KCNIP4: variants seen among roughly 807,000 people sequenced by gnomAD.
The protein encoded by KCNIP4 is potassium voltage-gated channel interacting protein 4, also known as Kv channel-interacting protein 4.
KCNIP4 carries 12 observed loss-of-function variants against 34.0 expected under a neutral mutation model. That is an observed-to-expected ratio of 0.35 (90% CI 0.23 to 0.57). KCNIP4 has a LOEUF of 0.57. Ranked by LOEUF, KCNIP4 falls within the 20% of genes least tolerant of loss-of-function variation. The pLI, the probability that KCNIP4 is intolerant of heterozygous loss-of-function variation, is 0.83. For synonymous variants in KCNIP4, 124 were observed against 102.2 expected (o/e 1.21, Z -1.29); for missense variants, 238 against 311.7 (o/e 0.76, Z 1.78).
At chr4:21,087,571 AG>A (rs1274195689) in intron 1 of KCNIP4, among the ~76,000 whole-genome samples, 1 of 152,044 alleles carries the variant, frequency 6.6e-6, no homozygotes, top group African/African-American at 2.4e-5. Flanking sequence ...TACAGGCGTG[AG>A]CCACTGCACC....
intron 1 of KCNIP4, among the ~76,000 whole-genome samples, chr4:21,912,782 G>A (rs764108184): frequency 1.4e-4 from 21 of 150,882 alleles, no homozygotes; most frequent in South Asian, 8.4e-4. Flanking sequence ...GTAGAAGACA[G>A]ATCATATATT....
At chr4:20,792,896 C>T (rs964255702) in intron 3 of KCNIP4, among the ~76,000 whole-genome samples, 2 of 152,042 alleles carry the variant, frequency 1.3e-5, no homozygotes, top group African/African-American at 4.8e-5. Context: ...CAGTACTATC[C>T]ACCAACTTGA....
At chr4:21,362,587 G>A (rs892529019) in intron 1 of KCNIP4, among the ~76,000 whole-genome samples, 1 of 151,864 alleles carries the variant, frequency 6.6e-6, no homozygotes, top group Non-Finnish European at 1.5e-5. Context: ...CTTCCTCTTG[G>A]GGTTGAGATA....
intron 1 of KCNIP4, among the ~76,000 whole-genome samples, chr4:21,254,160 A>G (rs1219486092): frequency 2.6e-5 from 4 of 152,220 alleles, no homozygotes; most frequent in African/African-American, 9.6e-5. Context: ...ATGTATATAT[A>G]TGCATACATG....
intron 1 of KCNIP4, among the ~76,000 whole-genome samples, chr4:20,964,811 T>C (rs1734185970): frequency 6.6e-6 from 1 of 152,184 alleles, no homozygotes; most frequent in Admixed American, 6.5e-5. Flanking sequence ...GGTGATGAGA[T>C]AGGACAGATC....
intron 1 of KCNIP4, among the ~76,000 whole-genome samples, chr4:21,800,993 C>T (rs189441892): frequency 2.0e-5 from 3 of 152,246 alleles, no homozygotes; most frequent in Middle Eastern, 3.4e-3. Context: ...ATTCATTCTC[C>T]GAGTCAGAAA....
At chr4:20,915,533 T>C (rs1186317607) in intron 1 of KCNIP4, among the ~76,000 whole-genome samples, 1 of 152,192 alleles carries the variant, frequency 6.6e-6, no homozygotes. Context: ...AGAAAATGCC[T>C]ATAGAGTCAC....
In KCNIP4 at chr4:21,640,749, C is replaced by T. The variant is rs73254391; in HGVS notation, c.61+307822G>A. Among the ~76,000 whole-genome samples, 949 of 152,224 alleles carry T rather than the reference C, an allele frequency of 6.2e-3. 6 individuals are homozygous for T. The highest frequency in any genetic ancestry group is 1.0e-2 in the Non-Finnish European group (678 of 68,006). On this transcript the variant is annotated intron_variant, in intron 1 of 8. Coordinates refer to ENST00000382152, the MANE Select transcript of KCNIP4 (RefSeq NM_025221.6). Reference sequence around the variant, plus strand: ...CTACCCCAGCCTAGTAACAGAATGACCCAAAAAGCTGCTAACAAGAGAAGG... The same window carrying T: ...CTACCCCAGCCTAGTAACAGAATGATCCAAAAAGCTGCTAACAAGAGAAGG...
chr4:21,833,832 C>A (rs1485907226), intron 1 of KCNIP4, among the ~76,000 whole-genome samples: 2 of 152,148 alleles, frequency 1.3e-5, no homozygotes, highest in African/African-American at 4.8e-5. Context: ...TTCCCAGCAC[C>A]ATTTATTAAA....
chr4:21,012,987 A>C (rs756345246), intron 1 of KCNIP4, among the ~76,000 whole-genome samples: 3 of 152,184 alleles, frequency 2.0e-5, no homozygotes, highest in Non-Finnish European at 4.4e-5. Flanking sequence ...TGGGGGTGGA[A>C]TATTATGGCC....
intron 1 of KCNIP4, among the ~76,000 whole-genome samples, chr4:21,658,378 AACATCACATC>A (rs568463285): frequency 6.6e-5 from 10 of 152,078 alleles, no homozygotes; most frequent in Admixed American, 1.3e-4. Context: ...CTGTGAAGAG[AACATCACATC>A]ACATCACATC....
At chr4:21,128,269 G>T (rs1750779436) in intron 1 of KCNIP4, among the ~76,000 whole-genome samples, 1 of 152,162 alleles carries the variant, frequency 6.6e-6, no homozygotes, top group Non-Finnish European at 1.5e-5. Flanking sequence ...ATGGAATTAA[G>T]AGAGCAGAAT....
chr4:21,022,168 G>T (rs865941725), intron 1 of KCNIP4, among the ~76,000 whole-genome samples: 2 of 152,106 alleles, frequency 1.3e-5, no homozygotes, highest in African/African-American at 4.8e-5. Flanking sequence ...CAGCAAGTAA[G>T]TGTGTATTTA....
At chr4:21,446,156 A>T (rs966750040) in intron 1 of KCNIP4, among the ~76,000 whole-genome samples, 4 of 152,160 alleles carry the variant, frequency 2.6e-5, no homozygotes, top group African/African-American at 7.2e-5. Flanking sequence ...AGAAACAGGA[A>T]CACTTTTATG....
chr4:21,083,334 G>A (rs546985325), intron 1 of KCNIP4, among the ~76,000 whole-genome samples: 1 of 151,192 alleles, frequency 6.6e-6, no homozygotes, highest in Admixed American at 6.6e-5. Context: ...CTTTGCAATA[G>A]ACTAAATCAT....
chr4:21,758,144 G>A lies in KCNIP4; in HGVS notation c.61+190427C>T, dbSNP rs561775877. On this transcript the variant is annotated intron_variant, in intron 1 of 8. Coordinates refer to ENST00000382152, the MANE Select transcript of KCNIP4 (RefSeq NM_025221.6). ...GATATTTATAATAAAAACAATAAGC[G>A]AAATCATTCATTCAATTAAAGTTTT... Among the ~76,000 whole-genome samples the A allele has an allele frequency of 1.5e-4, 23 of 152,258 alleles. No homozygotes were observed. The South Asian group carries it at 3.7e-3, about 25-fold the overall frequency.
chr4:21,596,919 A>G (rs35069167), intron 1 of KCNIP4, among the ~76,000 whole-genome samples: 19,212 of 152,048 alleles, frequency 0.13, 1,366 homozygotes, highest in Middle Eastern at 0.19. Context: ...CTCCGAGGAG[A>G]TGGAGAGCCA....
At position 20,748,798 on chromosome 4, in the gene KCNIP4, A is replaced by C. The variant is rs1752985627; in HGVS notation, c.429+864T>G. Among the ~76,000 whole-genome samples the C allele has an allele frequency of 2.0e-5, 3 of 149,962 alleles. No homozygotes were observed. In the South Asian group the frequency reaches 6.3e-4, roughly 31 times the overall value. On this transcript the variant is annotated intron_variant, in intron 5 of 8. Transcript: ENST00000382152. ...GCTGATCAGAGTTCATGTTGGGTTT[A>C]TTCTCCTAATGTTTAAATCAATATA...
intron 1 of KCNIP4, among the ~76,000 whole-genome samples, chr4:21,429,328 T>A (rs1218495208): frequency 1.3e-5 from 2 of 152,218 alleles, no homozygotes; most frequent in Non-Finnish European, 2.9e-5. Context: ...AACTCATTTT[T>A]TTTTAGCACT....
Sources: allele counts gnomAD v4.1 joint callset (sites outside exome capture counted in the v4.1 genomes callset), GRCh38; gene constraint gnomAD v4.1.1; transcripts MANE v1.5; gene names NCBI Gene and HGNC (gene_info 2026-07-23, HGNC 2026-07-21).